The following ZNF774 variants were observed in gnomAD, a reference collection of about 807,000 sequenced individuals.
The protein encoded by ZNF774 is zinc finger protein 774.
Under a neutral mutation model 11.1 loss-of-function variants are expected in ZNF774, and 14 were observed. That is an observed-to-expected ratio of 1.26 (90% CI 0.83 to 1.97). ZNF774 has a LOEUF of 1.97. ZNF774 is among the 30% of genes most tolerant of loss of function. The pLI, the probability that ZNF774 is intolerant of heterozygous loss-of-function variation, is 0.00. For synonymous variants in ZNF774, 195 were observed against 212.6 expected (o/e 0.92, Z 0.72); for missense variants, 599 against 587.0 (o/e 1.02, Z -0.21).
Position 90,355,229 on chromosome 15 carries a change from T to C in ZNF774, c.104+465T>C. 6.6e-6 allele frequency: 3 copies of C among 452,336 alleles called. 1 individual carries two copies. The Admixed American group carries it at 7.1e-5, about 11-fold the overall frequency. The allele number at this position is 452,336 out of a possible 1,614,324, so 28.0% of individuals were successfully genotyped here. Reference sequence around the variant, plus strand: ...CTCTGTAAGATTAATTGTTGCCTCCTTGGGAGAAAAACAATTACTTCCTTA... The same window carrying C: ...CTCTGTAAGATTAATTGTTGCCTCCCTGGGAGAAAAACAATTACTTCCTTA... On this transcript the variant is annotated intron_variant, in intron 2 of 3. Coordinates refer to ENST00000354377, the MANE Select transcript of ZNF774 (RefSeq NM_001004309.3).
rs773302362 is a variant in ZNF774, at chr15:90,360,263, T to C, written c.432T>C (p.Asp144=). 22 of 1,614,154 alleles carry C rather than the reference T, an allele frequency of 1.4e-5. No individual in the cohort carries two copies. Among genetic ancestry groups the C allele is most frequent in the Non-Finnish European group, 1.9e-5 (22 of 1,180,018 alleles). The change falls in exon 4 of 4, where the codon GAT becomes GAC. Residue 144 remains aspartate (D), a synonymous_variant. Transcript: ENST00000354377. ...SQERDLNKLL[D]GYVGEKPMCA... The stretch of plus-strand genomic sequence containing the variant: ...AGAGGGATTTAAACAAGCTCCTGGA[T>C]GGATATGTAGGAGAGAAGCCTATGT...
In ZNF774 at chr15:90,361,129, G is replaced by A. The variant is rs1280209356; in HGVS notation, c.1298G>A (p.Cys433Tyr). The change falls in exon 4 of 4, where the codon TGT becomes TAT. Residue 433 changes from cysteine (C) to tyrosine (Y), a missense_variant. Cys to Tyr is a radical substitution (Grantham distance 194). Transcript: ENST00000354377. ...RIHLGDRPYR[C>Y]PECGKTFNQR... ...CACTTAGGAGACAGGCCCTATCGAT[G>A]TCCTGAGTGTGGCAAGACCTTCAAT... 1.2e-6 allele frequency: 2 copies of A among 1,610,948 alleles called. No homozygotes were observed. The highest frequency in any genetic ancestry group is 1.7e-5 in the Admixed American group (1 of 59,970).
At position 90,357,865 on chromosome 15, in the gene ZNF774, C is replaced by T. The variant is rs537036221; in HGVS notation, c.105-986C>T. On this transcript the variant is annotated intron_variant, in intron 2 of 3. Transcript: ENST00000354377. ...CTGGGATTACAGGTGTGAGCTACTG[C>T]ACCTGGCCAATGGATCTTATTCTTA... is the stretch of plus-strand genomic sequence containing the variant. Among the ~76,000 whole-genome samples the T allele has an allele frequency of 3.2e-3, 484 of 151,448 alleles. 6 individuals carry two copies. Among genetic ancestry groups the T allele is most frequent in the Non-Finnish European group, 2.3e-3 (156 of 67,912 alleles).
chr15:90,362,542 T>C lies in ZNF774; in HGVS notation c.*1259T>C. On this transcript the variant is annotated 3_prime_UTR_variant, in exon 4 of 4. Transcript: ENST00000354377. ...GGTTAATATAATTCTCTGATCCTTT[T>C]AGGGCCATCCAGGTTATGCACTAGT... 2 of 1,535,948 alleles carry C rather than the reference T, an allele frequency of 1.3e-6. No homozygotes were observed. Among genetic ancestry groups the C allele is most frequent in the South Asian group, 1.2e-5 (1 of 84,062 alleles).
rs146848932 is a variant in ZNF774 at position 90,361,863 on chromosome 15, T to C, written c.*580T>C. On this transcript the variant is annotated 3_prime_UTR_variant, in exon 4 of 4. Coordinates refer to ENST00000354377, the MANE Select transcript of ZNF774 (RefSeq NM_001004309.3). Reference sequence around the variant, plus strand: ...GTTACTAAATGAGAAGTGAGAAAAATGTGGCCTAGAGATCACATGTTCACC... The same window carrying C: ...GTTACTAAATGAGAAGTGAGAAAAACGTGGCCTAGAGATCACATGTTCACC... 7.2e-3 allele frequency: 1,119 copies of C among 154,372 alleles called. 9 individuals are homozygous for C. Among genetic ancestry groups the C allele is most frequent in the Middle Eastern group, 0.017 (5 of 294 alleles). The allele number at this position is 154,372 out of a possible 1,614,324, so 9.6% of individuals were successfully genotyped here.
chr15:90,361,502 G>C lies in ZNF774; in HGVS notation c.*219G>C. The C allele has an allele frequency of 7.6e-7, 1 of 1,320,758 alleles. No homozygotes were observed. The highest frequency in any genetic ancestry group is 9.6e-7 in the Non-Finnish European group (1 of 1,036,730). The allele number at this position is 1,320,758 out of a possible 1,614,324, so 81.8% of individuals were successfully genotyped here. A position where few individuals can be genotyped will look rare whatever the true frequency, so the allele number is the denominator to read the frequency against. ...TCCTTCAGTGTGTGACTGACTCTTA[G>C]GGAAATGTGAGTTTAATAGTTGATG... On this transcript the variant is annotated 3_prime_UTR_variant, in exon 4 of 4. Coordinates refer to ENST00000354377, the MANE Select transcript of ZNF774 (RefSeq NM_001004309.3).
At chr15:90,355,626 G>C (rs903096000) in intron 2 of ZNF774, among the ~76,000 whole-genome samples, 8 of 150,702 alleles carry the variant, frequency 5.3e-5, no homozygotes, top group South Asian at 4.2e-4. Context: ...TGGAGGTTGA[G>C]GCAGGAGAAT....
chr15:90,358,785 T>G, intron 2 of ZNF774, 66 bp from the exon 3 acceptor site: 1 of 1,357,560 alleles, frequency 7.4e-7, no homozygotes, highest in Non-Finnish European at 1.0e-6. Context: ...GGAGTAGGGC[T>G]TGGATTTTGC....
intron 2 of ZNF774, among the ~76,000 whole-genome samples, chr15:90,356,037 A>T (rs564200300): frequency 0.015 from 1,542 of 104,532 alleles, 68 homozygotes; most frequent in African/African-American, 0.038. Context: ...CAAAAAAAAA[A>T]AAATAAATAA....
At chr15:90,357,928 C>G (rs7181719) in intron 2 of ZNF774, among the ~76,000 whole-genome samples, 24,260 of 146,888 alleles carry the variant, frequency 0.17, 2,201 homozygotes, top group South Asian at 0.24. Context: ...TGGAGTCTCT[C>G]TCTGTCGTCC....
intron 1 of ZNF774, among the ~76,000 whole-genome samples, chr15:90,353,008 C>G (rs754708629): frequency 1.3e-5 from 2 of 151,850 alleles, no homozygotes; most frequent in Non-Finnish European, 2.9e-5. Context: ...GCTCTTGTTG[C>G]CCAGGCTGGA....
chr15:90,357,223 G>T lies in ZNF774; in HGVS notation c.105-1628G>T, dbSNP rs139577379. ...GTGGGTATTATAATTTAAAGAGTCT[G>T]GGCCTGGGTGTGGCAGCTCATGTCT... On this transcript the variant is annotated intron_variant, in intron 2 of 3. Coordinates refer to ENST00000354377, the MANE Select transcript of ZNF774 (RefSeq NM_001004309.3). Among the ~76,000 whole-genome samples, 409 of 151,872 alleles carry T rather than the reference G, an allele frequency of 2.7e-3. 2 individuals carry two copies. Among genetic ancestry groups the T allele is most frequent in the Middle Eastern group, 6.9e-3 (2 of 288 alleles).
chr15:90,362,783 ACACT>A lies in ZNF774; in HGVS notation c.*1501_*1504del. 2.1e-6 allele frequency: 1 copy of A among 468,416 alleles called. No individual in the cohort carries two copies. The allele number at this position is 468,416 out of a possible 1,614,324, so 29.0% of individuals were successfully genotyped here. ...CACACACACACACACACACACACAC[ACACT>A]TTGTTGGTTAACTATAAATGTAATA... On this transcript the variant is annotated 3_prime_UTR_variant, in exon 4 of 4. Coordinates refer to ENST00000354377, the MANE Select transcript of ZNF774 (RefSeq NM_001004309.3).
chr15:90,354,269 G>A (rs566853265), intron 1 of ZNF774, among the ~76,000 whole-genome samples: 7 of 152,284 alleles, frequency 4.6e-5, no homozygotes, highest in Admixed American at 3.9e-4. Context: ...CTTGCTTGCT[G>A]AGGAAAATGA....
In ZNF774 at chr15:90,360,962, C is replaced by T. The variant is rs747821692; in HGVS notation, c.1131C>T (p.Cys377=). 9 of 1,614,000 alleles carry T rather than the reference C, an allele frequency of 5.6e-6. No individual in the cohort carries two copies. In the African/African-American group the frequency reaches 9.3e-5, roughly 17 times the overall value. The part of the protein sequence containing the change: ...RTHTGERPFK[C]ENCGKGFADS... The stretch of plus-strand genomic sequence containing the variant: ...ACACAGGTGAGAGACCTTTTAAGTG[C>T]GAAAACTGTGGGAAAGGATTCGCCG... The change falls in exon 4 of 4, where the codon TGC becomes TGT. Residue 377 remains cysteine, a synonymous_variant. Coordinates refer to ENST00000354377, the MANE Select transcript of ZNF774 (RefSeq NM_001004309.3).
In ZNF774 at chr15:90,360,518, CACAGGG is replaced by C; in HGVS notation, c.688_693del (p.Thr230_Gly231del). On this transcript the variant is annotated inframe_deletion, in exon 4 of 4. Coordinates refer to ENST00000354377, the MANE Select transcript of ZNF774 (RefSeq NM_001004309.3). ...CACTCATCAAACATCAGAGAACCCA[CACAGGG>C]GAGAGACCCTATGAGTGCCCAGAGT... 6.2e-7 allele frequency: 1 copy of C among 1,613,992 alleles called. No individual in the cohort carries two copies. Among genetic ancestry groups the C allele is most frequent in the Non-Finnish European group, 8.5e-7 (1 of 1,180,024 alleles).
Position 90,362,606 on chromosome 15 carries a change from A to G in ZNF774, c.*1323A>G. The G allele has an allele frequency of 1.3e-6, 2 of 1,533,800 alleles. No homozygotes were observed. Among genetic ancestry groups the G allele is most frequent in the Non-Finnish European group, 1.7e-6 (2 of 1,144,790 alleles). On this transcript the variant is annotated 3_prime_UTR_variant, in exon 4 of 4. Coordinates refer to ENST00000354377, the MANE Select transcript of ZNF774 (RefSeq NM_001004309.3). ...CAATTGAAATAAATTGAGGGACGGC[A>G]AGTGTGTTGGAAAGAACACCGACTT... is the stretch of plus-strand genomic sequence containing the variant.
chr15:90,356,369 G>A (rs932362955), intron 2 of ZNF774, among the ~76,000 whole-genome samples: 1 of 151,674 alleles, frequency 6.6e-6, no homozygotes, highest in Non-Finnish European at 1.5e-5. Context: ...TCTAATTTTT[G>A]TATTTTTAGT....
In ZNF774 at chr15:90,360,834, G is replaced by C; in HGVS notation, c.1003G>C (p.Val335Leu). 1 of 1,614,090 alleles carries C rather than the reference G, an allele frequency of 6.2e-7. No homozygotes were observed. The highest frequency in any genetic ancestry group is 8.5e-7 in the Non-Finnish European group (1 of 1,180,020). The change falls in exon 4 of 4, where the codon GTA (valine) becomes CTA (leucine). Residue 335 changes from valine (V) to leucine (L), a missense_variant. By Grantham distance (32) the Val-to-Leu change is conservative. Coordinates refer to ENST00000354377, the MANE Select transcript of ZNF774 (RefSeq NM_001004309.3). Reference protein sequence around the residue: ...GKGFRDSSHFVAHMSTHSGER... With the variant: ...GKGFRDSSHFLAHMSTHSGER... ...GGGCTTCAGAGATAGTTCTCATTTT[G>C]TAGCTCACATGAGCACTCATTCAGG...
Sources: allele counts gnomAD v4.1 joint callset (sites outside exome capture counted in the v4.1 genomes callset), GRCh38; gene constraint gnomAD v4.1.1; transcripts MANE v1.5; gene names NCBI Gene and HGNC (gene_info 2026-07-23, HGNC 2026-07-21).